MAML3: variants seen among roughly 807,000 people sequenced by gnomAD.
MAML3 encodes mastermind-like protein 3.
MAML3 carries 27 observed loss-of-function variants against 101.9 expected under a neutral mutation model. The ratio of observed to expected loss-of-function variants is 0.27; its 90% CI spans 0.20 to 0.37. The LOEUF (loss-of-function observed/expected upper bound fraction) is 0.37, where lower values mean the gene tolerates loss of function less well. Ranked by LOEUF, MAML3 falls within the 10% of genes least tolerant of loss-of-function variation. The pLI, the probability that MAML3 is intolerant of heterozygous loss-of-function variation, is 1.00. For missense variants in MAML3, 1,316 were observed against 1,444.9 expected, an observed-to-expected ratio of 0.91 and a Z score of 1.45; for synonymous variants, 501 against 555.9, an observed-to-expected ratio of 0.90 and a Z score of 1.39.
intron 2 of MAML3, among the ~76,000 whole-genome samples, chr4:139,803,670 C>T (rs1236717793): frequency 6.6e-6 from 1 of 152,152 alleles, no homozygotes; most frequent in Non-Finnish European, 1.5e-5. Flanking sequence ...CCCCAGTTCT[C>T]CCAGAGTCAT....
At chr4:140,138,766 T>C (rs1442247245) in intron 1 of MAML3, among the ~76,000 whole-genome samples, 5 of 152,190 alleles carry the variant, frequency 3.3e-5, no homozygotes, top group Non-Finnish European at 1.5e-5. Context: ...AAGGGAATGT[T>C]ATGCTTTGCC....
At chr4:139,745,898 T>A (rs1404870541) in intron 2 of MAML3, among the ~76,000 whole-genome samples, 1 of 152,216 alleles carries the variant, frequency 6.6e-6, no homozygotes. Context: ...TAACAGGAAA[T>A]GTGACCACAA....
Position 140,153,431 on chromosome 4 carries a change from G to T in MAML3, c.-104C>A. On this transcript the variant is annotated 5_prime_UTR_variant, in exon 1 of 5. Transcript: ENST00000509479. Reference sequence around the variant, plus strand: ...TAAAATAGTTTAAGTGGAACGCGGGGGAGACGCAAGCACATGGATGGAAAC... The same window carrying T: ...TAAAATAGTTTAAGTGGAACGCGGGTGAGACGCAAGCACATGGATGGAAAC... 2 of 1,325,426 alleles carry T rather than the reference G, an allele frequency of 1.5e-6. No individual in the cohort carries two copies. Among genetic ancestry groups the T allele is most frequent in the Non-Finnish European group, 2.0e-6 (2 of 1,022,864 alleles). The allele number at this position is 1,325,426 out of a possible 1,614,324, so 82.1% of individuals were successfully genotyped here. A position where few individuals can be genotyped will look rare whatever the true frequency, so the allele number is the denominator to read the frequency against.
intron 1 of MAML3, among the ~76,000 whole-genome samples, chr4:140,150,081 C>T (rs1396829631): frequency 6.6e-6 from 1 of 151,840 alleles, no homozygotes; most frequent in Non-Finnish European, 1.5e-5. Flanking sequence ...CACTCCTATT[C>T]TGTACACAGC....
intron 1 of MAML3, among the ~76,000 whole-genome samples, chr4:139,961,216 A>G (rs995667090): frequency 6.6e-6 from 1 of 152,220 alleles, no homozygotes; most frequent in African/African-American, 2.4e-5. Context: ...CAAAGCTACT[A>G]AAAACATCAC....
intron 1 of MAML3, among the ~76,000 whole-genome samples, chr4:139,929,265 G>A (rs2110728716): frequency 6.6e-6 from 1 of 152,310 alleles, no homozygotes; most frequent in African/African-American, 2.4e-5. Flanking sequence ...TCTAGCAGAG[G>A]AGAAAACTAC....
At chr4:140,062,444 T>A (rs1173021788) in intron 1 of MAML3, among the ~76,000 whole-genome samples, 1 of 152,190 alleles carries the variant, frequency 6.6e-6, no homozygotes, top group African/African-American at 2.4e-5. Flanking sequence ...ACGCTATCTA[T>A]GTTTAAGCAA....
chr4:139,862,053 A>G (rs1196017467), intron 2 of MAML3, among the ~76,000 whole-genome samples: 1 of 152,150 alleles, frequency 6.6e-6, no homozygotes, highest in East Asian at 1.9e-4. Context: ...TACTAAAAAT[A>G]CAAAAATTAG....
At chr4:139,981,682 C>T (rs1041358889) in intron 1 of MAML3, among the ~76,000 whole-genome samples, 3 of 152,088 alleles carry the variant, frequency 2.0e-5, no homozygotes, top group Non-Finnish European at 2.9e-5. Flanking sequence ...CATTATGTTT[C>T]ATTAGGCTCC....
At chr4:139,794,757 G>A (rs1425178589) in intron 2 of MAML3, among the ~76,000 whole-genome samples, 1 of 152,224 alleles carries the variant, frequency 6.6e-6, no homozygotes, top group Non-Finnish European at 1.5e-5. Context: ...CGCTGGAAGA[G>A]CACATCTGGT....
Position 139,842,029 on chromosome 4 carries a change from T to C in MAML3, c.2079+47328A>G, listed in dbSNP as rs147037955. ...CCAGCAACCCCCATTCTTCCTGGTA[T>C]CAGAGTGGAGCCAGATGCACACAGG... On this transcript the variant is annotated intron_variant, in intron 2 of 4. Coordinates refer to ENST00000509479, the MANE Select transcript of MAML3 (RefSeq NM_018717.5). Among the ~76,000 whole-genome samples, 1,222 of 152,290 alleles carry C rather than the reference T, an allele frequency of 8.0e-3. 8 individuals are homozygous for C. Among genetic ancestry groups the C allele is most frequent in the South Asian group, 0.026 (125 of 4,824 alleles).
At chr4:139,968,724 T>A (rs971238841) in intron 1 of MAML3, among the ~76,000 whole-genome samples, 2 of 152,126 alleles carry the variant, frequency 1.3e-5, no homozygotes, top group Non-Finnish European at 2.9e-5. Context: ...AATCCTGTAG[T>A]TCCACTCCAG....
rs1731572998 is a variant in MAML3, at chr4:139,852,403, G to GTTTTTTTTTTTTTTGTTGTTT, written c.2079+36953_2079+36954insAAACAACAAAAAAAAAAAAAA. Among the ~76,000 whole-genome samples, 43 of 68,350 alleles carry GTTTTTTTTTTTTTTGTTGTTT rather than the reference G, an allele frequency of 6.3e-4. 1 individual carries two copies. The highest frequency in any genetic ancestry group is 2.7e-3 in the African/African-American group (40 of 15,060). The allele number at this position is 68,350 out of a possible 152,430, so 44.8% of individuals were successfully genotyped here. On this transcript the variant is annotated intron_variant, in intron 2 of 4. Transcript: ENST00000509479. The stretch of plus-strand genomic sequence containing the variant: ...AAAGCTCACCAAAATTCAGAAGACT[G>GTTTTTTTTTTTTTTGTTGTTT]TTTTTTTTTTTTTTTTTTTTTTTTT...
At chr4:140,101,746 C>T (rs1344445482) in intron 1 of MAML3, among the ~76,000 whole-genome samples, 1 of 152,054 alleles carries the variant, frequency 6.6e-6, no homozygotes, top group East Asian at 1.9e-4. Flanking sequence ...CAAAAAAAGG[C>T]TAGGTAAACT....
chr4:139,875,916 C>CAAAAA lies in MAML3; in HGVS notation c.2079+13436_2079+13440dup, dbSNP rs57104878. Among the ~76,000 whole-genome samples the CAAAAA allele has an allele frequency of 1.8e-4, 15 of 81,572 alleles. 2 individuals carry two copies. The highest frequency in any genetic ancestry group is 5.8e-4 in the African/African-American group (13 of 22,230). The allele number at this position is 81,572 out of a possible 152,430, so 53.5% of individuals were successfully genotyped here. A position where few individuals can be genotyped will look rare whatever the true frequency, so the allele number is the denominator to read the frequency against. ...TAAAGAGTAAGAGACTCACAAACAG[C>CAAAAA]AAAAAAAAAAAAAAAAAAAAAAAAA... is the stretch of plus-strand genomic sequence containing the variant. On this transcript the variant is annotated intron_variant, in intron 2 of 4. Coordinates refer to ENST00000509479, the MANE Select transcript of MAML3 (RefSeq NM_018717.5).
intron 3 of MAML3, among the ~76,000 whole-genome samples, chr4:139,729,346 G>A (rs1478215288): frequency 1.3e-5 from 2 of 152,126 alleles, no homozygotes; most frequent in African/African-American, 2.4e-5. Flanking sequence ...CTGGCAGGGC[G>A]TGGTGGCTCA....
chr4:139,919,400 T>G (rs1329731277), intron 1 of MAML3, among the ~76,000 whole-genome samples: 2 of 152,264 alleles, frequency 1.3e-5, no homozygotes, highest in African/African-American at 4.8e-5. Context: ...TATTTTGAAC[T>G]GTAATTCTGC....
At chr4:139,844,324 T>A (rs1731407054) in intron 2 of MAML3, among the ~76,000 whole-genome samples, 1 of 152,236 alleles carries the variant, frequency 6.6e-6, no homozygotes, top group Non-Finnish European at 1.5e-5. Context: ...ACACTCAGTG[T>A]CCCATATGGT....
chr4:139,747,856 C>T (rs970081161), intron 2 of MAML3, among the ~76,000 whole-genome samples: 1 of 151,860 alleles, frequency 6.6e-6, no homozygotes, highest in African/African-American at 2.4e-5. Flanking sequence ...GAGTTCGACA[C>T]AAGCCTGATC....
Sources: gnomAD v4.1 joint callset for allele counts (sites outside exome capture counted in the v4.1 genomes callset) on GRCh38, gnomAD v4.1.1 for gene constraint, MANE v1.5 for transcripts, NCBI Gene and HGNC (gene_info 2026-07-23, HGNC 2026-07-21) for gene names.